ROGDI: variants seen among roughly 807,000 people sequenced by gnomAD.
The protein encoded by ROGDI is rogdi atypical leucine zipper, also known as protein rogdi homolog.
ROGDI carries 46 observed loss-of-function variants against 43.1 expected under a neutral mutation model. The ratio of observed to expected loss-of-function variants is 1.07; its 90% confidence interval spans 0.84 to 1.37. The LOEUF (loss-of-function observed/expected upper bound fraction) is 1.37. ROGDI is among the 40% of genes most tolerant of loss of function. The pLI is 0.00. For synonymous variants in ROGDI, 243 were observed against 162.0 expected (o/e 1.50, Z -3.80); for missense variants, 518 against 383.9 (o/e 1.35, Z -2.92).
intron 2 of ROGDI, chr16:4,802,117 C>T: frequency 1.5e-6 from 1 of 650,618 alleles, no homozygotes; most frequent in South Asian, 1.5e-5. Context: ...GATTGGATGC[C>T]GCTGCTCCCA....
intron 4 of ROGDI, chr16:4,800,915 C>T (rs1033391200): frequency 2.0e-5 from 10 of 500,200 alleles, no homozygotes; most frequent in African/African-American, 1.8e-4. Flanking sequence ...GGAGGGGGGC[C>T]TCCCCCCACG....
Position 4,802,463 on chromosome 16 carries a change from A to T in ROGDI, c.46-10T>A. The T allele has an allele frequency of 7.8e-7, 1 of 1,274,746 alleles. No homozygotes were observed. The highest frequency in any genetic ancestry group is 9.9e-7 in the Non-Finnish European group (1 of 1,013,666). 79.0% of individuals were successfully genotyped at this position (1,274,746 alleles called of 1,614,324 possible). On this transcript the variant is annotated splice_polypyrimidine_tract_variant and intron_variant, in intron 1 of 10. Transcript: ENST00000322048. ...AGCGGAACTCCTCCTCCTGCGGGAC[A>T]GACCCGGCGGTCGCGCCCGGCCCCG...
Position 4,801,300 on chromosome 16 carries a change from C to G in ROGDI, c.222G>C (p.Val74=). Residue 74 remains valine, a synonymous_variant, in exon 4 of 11, where the codon GTG becomes GTC. Coordinates refer to ENST00000322048, the MANE Select transcript of ROGDI (RefSeq NM_024589.3). ...GSCGTDQVKG[V]LTLQGDALSQ... ...TGAGGGCATCCCCCTGCAGAGTCAG[C>G]ACACCCTTCACCTGGTCTGTGCTGT... 3.1e-6 allele frequency: 5 copies of G among 1,609,136 alleles called. No individual in the cohort carries two copies. Among genetic ancestry groups the G allele is most frequent in the Non-Finnish European group, 4.2e-6 (5 of 1,176,656 alleles).
At position 4,801,600 on chromosome 16, in the gene ROGDI, G is replaced by T. The variant is rs1031644010; in HGVS notation, c.118-15C>A. ...AGAGAGGCCTCCTGTGGAACAGAGG[G>T]AAGGAGGGGAGCTGGTAGCGCCCAC... On this transcript the variant is annotated splice_polypyrimidine_tract_variant and intron_variant, in intron 2 of 10. Transcript: ENST00000322048. The T allele has an allele frequency of 6.3e-7, 1 of 1,583,002 alleles. No homozygotes were observed.
chr16:4,798,482 T>A, intron 7 of ROGDI, 87 bp downstream of exon 7: 1 of 1,025,138 alleles, frequency 9.8e-7, no homozygotes. Context: ...AATCTGGGAG[T>A]GGCACCCCTC....
At position 4,800,585 on chromosome 16, in the gene ROGDI, G is replaced by A. The variant is rs374098348; in HGVS notation, c.256-7C>T. On this transcript the variant is annotated splice_polypyrimidine_tract_variant and splice_region_variant and intron_variant, in intron 4 of 10. Coordinates refer to ENST00000322048, the MANE Select transcript of ROGDI (RefSeq NM_024589.3). ...GCATCTTCAGGTTCACATCCTGACA[G>A]GCAAGAGTGGGGTGAGCTGGGCAGT... The A allele has an allele frequency of 6.4e-7, 1 of 1,560,672 alleles. No homozygotes were observed. Among genetic ancestry groups the A allele is most frequent in the Non-Finnish European group, 8.7e-7 (1 of 1,151,310 alleles).
At chr16:4,801,661 C>G (rs919699142) in intron 2 of ROGDI, 76 bp from the exon 3 acceptor site, 1 of 1,366,138 alleles carries the variant, frequency 7.3e-7, no homozygotes, top group Non-Finnish European at 1.0e-6. Context: ...AGAAGCCCCC[C>G]TCCCTCCAAG....
chr16:4,802,328 G>A (rs747393655), intron 2 of ROGDI, 54 bp downstream of exon 2: 5 of 1,461,908 alleles, frequency 3.4e-6, no homozygotes, highest in East Asian at 4.9e-5. Flanking sequence ...GTGGAGCCAG[G>A]GAAATGAGGA....
Position 4,798,177 on chromosome 16 carries a change from A to G in ROGDI, c.539T>C (p.Phe180Ser), listed in dbSNP as rs546613754. 3.7e-6 allele frequency: 6 copies of G among 1,613,334 alleles called. No individual in the cohort carries two copies. In the East Asian group the frequency reaches 1.1e-4, roughly 30 times the overall value. Residue 180 changes from phenylalanine to serine, a missense_variant, in exon 8 of 11, where the codon TTC (phenylalanine) becomes TCC (serine). Transcript: ENST00000322048. Reference protein sequence around the residue: ...EIAASGLTRMFAPALPSDLLV... With the variant: ...EIAASGLTRMSAPALPSDLLV... ...CAGGTCGGACGGCAGGGCAGGGGCG[A>G]ACATCCGCTGCGGGAGGCAGGTGGG...
chr16:4,801,360 C>A, intron 3 of ROGDI, 39 bp from the exon 4 acceptor site: 1 of 1,586,808 alleles, frequency 6.3e-7, no homozygotes, highest in Non-Finnish European at 8.6e-7. Context: ...TGTGGTCACC[C>A]CCCCACCACC....
At chr16:4,800,827 A>G (rs371996695) in intron 4 of ROGDI, 11 of 563,940 alleles carry the variant, frequency 2.0e-5, no homozygotes, top group South Asian at 1.1e-4. Context: ...GGGAAGGGGA[A>G]GAGGAAAGGC....
chr16:4,798,954 G>A (rs2082687100), intron 6 of ROGDI, among the ~76,000 whole-genome samples: 1 of 152,164 alleles, frequency 6.6e-6, no homozygotes, highest in Admixed American at 6.5e-5. Flanking sequence ...AGTCCCAGGG[G>A]CACAGGCTTT....
At position 4,797,212 on chromosome 16, in the gene ROGDI, G is replaced by T; in HGVS notation, c.*248C>A. 4.2e-6 allele frequency: 2 copies of T among 477,076 alleles called. No individual in the cohort carries two copies. 29.6% of individuals were successfully genotyped at this position (477,076 alleles called of 1,614,324 possible). ...CCAAAGATTCCCATGGTGATCAGAGGGCGGTGTTGGGAATGTGGGACACCC... is the reference window on the plus strand; with the variant it reads ...CCAAAGATTCCCATGGTGATCAGAGTGCGGTGTTGGGAATGTGGGACACCC... On this transcript the variant is annotated 3_prime_UTR_variant, in exon 11 of 11. Coordinates refer to ENST00000322048, the MANE Select transcript of ROGDI (RefSeq NM_024589.3).
chr16:4,802,340 G>C, intron 2 of ROGDI, 42 bp downstream of exon 2: 1 of 1,508,828 alleles, frequency 6.6e-7, no homozygotes, highest in Non-Finnish European at 8.9e-7. Context: ...AAATGAGGAG[G>C]GAGGGCCGCC....
chr16:4,802,349 C>T (rs773941656), intron 2 of ROGDI, 33 bp downstream of exon 2: 4 of 1,538,198 alleles, frequency 2.6e-6, no homozygotes, highest in Non-Finnish European at 3.5e-6. Flanking sequence ...GGGAGGGCCG[C>T]CACGCCCGGC....
At chr16:4,800,466 G>C in intron 5 of ROGDI, 32 bp downstream of exon 5, 1 of 1,532,866 alleles carries the variant, frequency 6.5e-7, no homozygotes, top group Admixed American at 2.0e-5. Context: ...CTGTCCTTGT[G>C]GCTGAGCACT....
chr16:4,799,844 G>T, intron 5 of ROGDI, 63 bp from the exon 6 acceptor site: 1 of 1,195,870 alleles, frequency 8.4e-7, no homozygotes, highest in Non-Finnish European at 1.2e-6. Flanking sequence ...GGGGAGAGTG[G>T]GTGCTGCCTG....
At position 4,797,857 on chromosome 16, in the gene ROGDI, G is replaced by A. The variant is rs777481450; in HGVS notation, c.696-17C>T. The A allele has an allele frequency of 1.2e-6, 2 of 1,609,748 alleles. No individual in the cohort carries two copies. The highest frequency in any genetic ancestry group is 3.3e-5 in the Admixed American group (2 of 59,992). On this transcript the variant is annotated splice_polypyrimidine_tract_variant and intron_variant, in intron 9 of 10. Coordinates refer to ENST00000322048, the MANE Select transcript of ROGDI (RefSeq NM_024589.3). ...CCCCACTCGCTGTGGGCAGTGAGAG[G>A]GTCCCTGAGGAGGGTCCCGGCCCTC...
chr16:4,802,619 T>G lies in ROGDI; in HGVS notation c.-48A>C. 1 of 1,279,606 alleles carries G rather than the reference T, an allele frequency of 7.8e-7. No homozygotes were observed. The highest frequency in any genetic ancestry group is 9.9e-7 in the Non-Finnish European group (1 of 1,008,364). The allele number at this position is 1,279,606 out of a possible 1,614,324, so 79.3% of individuals were successfully genotyped here. ...CCCTCCCCACCGGCCGCTGCTCCTG[T>G]CCACCAATCTTTCTGTCCTCGGTCC... On this transcript the variant is annotated 5_prime_UTR_variant, in exon 1 of 11. Coordinates refer to ENST00000322048, the MANE Select transcript of ROGDI (RefSeq NM_024589.3).
Sources: gnomAD v4.1 joint callset for allele counts (sites outside exome capture counted in the v4.1 genomes callset) on GRCh38, gnomAD v4.1.1 for gene constraint, MANE v1.5 for transcripts, NCBI Gene and HGNC (gene_info 2026-07-23, HGNC 2026-07-21) for gene names.